The following TMEM182 variants were observed in gnomAD, a reference collection of about 807,000 sequenced individuals.
The protein encoded by TMEM182 is transmembrane protein 182.
Under a neutral mutation model 26.8 loss-of-function variants are expected in TMEM182, and 20 were observed. The observed-to-expected ratio is 0.75, with a 90% CI of 0.53 to 1.09. The LOEUF (loss-of-function observed/expected upper bound fraction) is 1.09. TMEM182 is among the 50% of genes least tolerant of loss of function. The pLI, the probability that TMEM182 is intolerant of heterozygous loss-of-function variation, is 0.00. For missense variants in TMEM182, 277 were observed against 275.5 expected, an observed-to-expected ratio of 1.01 and a Z score of -0.04; for synonymous variants, 109 against 102.2, an observed-to-expected ratio of 1.07 and a Z score of -0.40.
intron 1 of TMEM182, among the ~76,000 whole-genome samples, chr2:102,750,434 A>G (rs1239697649): frequency 1.3e-5 from 2 of 152,186 alleles, no homozygotes; most frequent in African/African-American, 4.8e-5. Flanking sequence ...TCCTAAGGAA[A>G]TTCTGCCATC....
intron 3 of TMEM182, among the ~76,000 whole-genome samples, chr2:102,826,807 G>A (rs1001409101): frequency 5.9e-5 from 9 of 151,976 alleles, no homozygotes; most frequent in Non-Finnish European, 8.8e-5. Flanking sequence ...GGAGCGGGTC[G>A]CAATAGTAAT....
intron 1 of TMEM182, among the ~76,000 whole-genome samples, chr2:102,755,945 C>A (rs180763411): frequency 1.3e-5 from 2 of 152,302 alleles, no homozygotes; most frequent in Non-Finnish European, 2.9e-5. Flanking sequence ...AATCTCCTTG[C>A]AGAGTGTTGC....
At chr2:102,753,873 A>G (rs1387993792) in intron 1 of TMEM182, among the ~76,000 whole-genome samples, 1 of 152,172 alleles carries the variant, frequency 6.6e-6, no homozygotes, top group Non-Finnish European at 1.5e-5. Context: ...CAAAAACCGA[A>G]CCACTTATTG....
chr2:102,806,267 T>C (rs1026778783), intron 4 of TMEM182, among the ~76,000 whole-genome samples: 2 of 152,140 alleles, frequency 1.3e-5, no homozygotes, highest in Non-Finnish European at 2.9e-5. Context: ...TAACGGTCTG[T>C]CCTGAAAAGA....
chr2:102,819,144 C>G (rs1682855610), downstream of TMEM182, among the ~76,000 whole-genome samples: 1 of 152,080 alleles, frequency 6.6e-6, no homozygotes, highest in Admixed American at 6.6e-5. Context: ...TATGACAATT[C>G]ATTTTTTCTT....
chr2:102,827,078 G>A (rs936455030), intron 3 of TMEM182, among the ~76,000 whole-genome samples: 1 of 152,168 alleles, frequency 6.6e-6, no homozygotes, highest in African/African-American at 2.4e-5. Context: ...ATCACAGCAC[G>A]TAGCATGCTG....
intron 4 of TMEM182, among the ~76,000 whole-genome samples, chr2:102,810,673 G>T (rs1424160603): frequency 1.3e-5 from 2 of 151,956 alleles, no homozygotes; most frequent in Non-Finnish European, 2.9e-5. Context: ...AAATCTTCAT[G>T]GATTCGGGGC....
At chr2:102,766,114 C>A (rs1167458661) in intron 3 of TMEM182, among the ~76,000 whole-genome samples, 1 of 152,104 alleles carries the variant, frequency 6.6e-6, no homozygotes, top group African/African-American at 2.4e-5. Context: ...TGTTGTTATT[C>A]ATATAATGAG....
chr2:102,834,527 T>C, intron 3 of TMEM182: 1 of 704,192 alleles, frequency 1.4e-6, no homozygotes, highest in Non-Finnish European at 1.7e-6. Context: ...AGGTGAGCCT[T>C]GGGAGGTGTG....
Position 102,824,095 on chromosome 2 carries a change from A to AT in TMEM182, c.326-19311dup, listed in dbSNP as rs201752920. Among the ~76,000 whole-genome samples, 855 of 152,074 alleles carry AT rather than the reference A, an allele frequency of 5.6e-3. 8 individuals are homozygous for AT. The highest frequency in any genetic ancestry group is 0.02 in the African/African-American group (831 of 41,344). ...GGACTCTAAACAATTCCTGTATTGA[A>AT]TTTTTTATTAATAAAAGCAGGGGAT... On this transcript the variant is annotated intron_variant, in intron 3 of 3. Transcript: ENST00000486293.
At chr2:102,758,401 A>C, upstream of TMEM182, 1 of 711,278 alleles carries the variant, frequency 1.4e-6, no homozygotes, top group South Asian at 1.5e-5. Context: ...ATCATGGAAA[A>C]CTAGAAGAGT....
chr2:102,793,578 T>C (rs1681737455), intron 3 of TMEM182, among the ~76,000 whole-genome samples: 1 of 152,212 alleles, frequency 6.6e-6, no homozygotes, highest in African/African-American at 2.4e-5. Context: ...AAGTCCCTGA[T>C]ATAAAATGGC....
In TMEM182 at chr2:102,742,693, C is replaced by T. The variant is rs570467929; in HGVS notation, c.-83+5680C>T. Reference sequence around the variant, plus strand: ...TAAGCCAGAGAATACAAACATCTTACTTATAGAGGAGTCAGGATAGAAAAT... The same window carrying T: ...TAAGCCAGAGAATACAAACATCTTATTTATAGAGGAGTCAGGATAGAAAAT... On this transcript the variant is annotated intron_variant, in intron 1 of 5. Transcript: ENST00000409173. Among the ~76,000 whole-genome samples the T allele has an allele frequency of 5.3e-5, 8 of 152,216 alleles. No homozygotes were observed. The East Asian group carries it at 1.3e-3, about 26-fold the overall frequency.
chr2:102,840,902 A>G (rs1377038839), intron 3 of TMEM182, among the ~76,000 whole-genome samples: 1 of 152,256 alleles, frequency 6.6e-6, no homozygotes, highest in Non-Finnish European at 1.5e-5. Context: ...TACATAAATT[A>G]CTATCCTGCC....
intron 3 of TMEM182, among the ~76,000 whole-genome samples, chr2:102,830,670 G>A (rs1030212703): frequency 1.1e-4 from 16 of 152,144 alleles, no homozygotes; most frequent in African/African-American, 3.1e-4. Flanking sequence ...CTCCCCTCAA[G>A]CATTTTATCC....
At chr2:102,784,266 T>C (rs529749649) in intron 3 of TMEM182, among the ~76,000 whole-genome samples, 1 of 152,316 alleles carries the variant, frequency 6.6e-6, no homozygotes, top group African/African-American at 2.4e-5. Context: ...TTTCCATGCC[T>C]TTGTCTCACA....
chr2:102,770,300 A>C (rs2104673075), intron 3 of TMEM182, among the ~76,000 whole-genome samples: 1 of 152,250 alleles, frequency 6.6e-6, no homozygotes, highest in South Asian at 2.1e-4. Context: ...ATGATGCAAA[A>C]GTTCTTGGGG....
intron 3 of TMEM182, among the ~76,000 whole-genome samples, chr2:102,777,729 C>G (rs909518286): frequency 1.5e-4 from 23 of 149,000 alleles, no homozygotes; most frequent in African/African-American, 5.6e-4. Flanking sequence ...TTTATTTCTT[C>G]TTTCTTATTT....
chr2:102,810,398 C>T (rs890513465), intron 4 of TMEM182, among the ~76,000 whole-genome samples: 1 of 152,056 alleles, frequency 6.6e-6, no homozygotes, highest in African/African-American at 2.4e-5. Context: ...TGTTTTGTTT[C>T]CATACTGTGA....
Sources: allele counts gnomAD v4.1 joint callset (sites outside exome capture counted in the v4.1 genomes callset), GRCh38; gene constraint gnomAD v4.1.1; transcripts MANE v1.5; gene names NCBI Gene and HGNC (gene_info 2026-07-23, HGNC 2026-07-21).